The following OSTF1 variants were observed in gnomAD, a reference collection of about 807,000 sequenced individuals.
The protein encoded by OSTF1 is osteoclast-stimulating factor 1.
In OSTF1, 27 loss-of-function variants were observed where a neutral mutation model predicts 37.2. The observed-to-expected ratio is 0.73, with a 90% CI of 0.54 to 1.00. The LOEUF is 1.00. Ranked by LOEUF, OSTF1 falls within the 50% of genes least tolerant of loss-of-function variation. The pLI, the probability that OSTF1 is intolerant of heterozygous loss-of-function variation, is 0.00. For missense variants in OSTF1, 232 were observed against 253.8 expected (o/e 0.91, Z 0.58); for synonymous variants, 82 against 89.2 (o/e 0.92, Z 0.46).
At chr9:75,093,277 C>G (rs1426387409) in intron 1 of OSTF1, among the ~76,000 whole-genome samples, 2 of 152,132 alleles carry the variant, frequency 1.3e-5, no homozygotes, top group Non-Finnish European at 2.9e-5. Flanking sequence ...TTCAGCCACT[C>G]TCAGAAGCCT....
intron 1 of OSTF1, among the ~76,000 whole-genome samples, chr9:75,097,864 T>G (rs1178288674): frequency 6.6e-6 from 1 of 151,618 alleles, no homozygotes; most frequent in African/African-American, 2.4e-5. Context: ...TTTTTTTTTT[T>G]TTTTCTCTTT....
At chr9:75,136,638 C>G (rs1036572617) in intron 7 of OSTF1, among the ~76,000 whole-genome samples, 2 of 152,194 alleles carry the variant, frequency 1.3e-5, no homozygotes, top group Non-Finnish European at 2.9e-5. Context: ...GTGATCCGCT[C>G]TCCTCGGTCT....
chr9:75,132,449 T>A (rs931436082), intron 5 of OSTF1, among the ~76,000 whole-genome samples: 2 of 152,120 alleles, frequency 1.3e-5, no homozygotes, highest in African/African-American at 4.8e-5. Context: ...TCTGGAGACA[T>A]GTTGACTGTC....
chr9:75,124,213 G>A (rs1440418306), intron 2 of OSTF1, among the ~76,000 whole-genome samples: 3 of 152,146 alleles, frequency 2.0e-5, no homozygotes, highest in Admixed American at 1.3e-4. Flanking sequence ...GGCATGCAAT[G>A]TGGAATCACA....
At chr9:75,093,170 T>G (rs915012527) in intron 1 of OSTF1, among the ~76,000 whole-genome samples, 2 of 151,608 alleles carry the variant, frequency 1.3e-5, no homozygotes, top group Admixed American at 1.3e-4. Flanking sequence ...GTATCTGGAA[T>G]TATAGATGCT....
chr9:75,146,607 C>A, intron 9 of OSTF1, 76 bp from the exon 10 acceptor site: 1 of 972,184 alleles, frequency 1.0e-6, no homozygotes, highest in Non-Finnish European at 1.6e-6. Flanking sequence ...AATTTAAGAG[C>A]TTTGAAAATG....
intron 1 of OSTF1, among the ~76,000 whole-genome samples, chr9:75,116,102 T>C (rs1825483877): frequency 6.6e-6 from 1 of 151,808 alleles, no homozygotes; most frequent in East Asian, 1.9e-4. Flanking sequence ...AGAATCTGTT[T>C]CAAATAATAA....
intron 1 of OSTF1, 21 bp downstream of exon 1, chr9:75,088,747 G>A: frequency 6.3e-7 from 1 of 1,599,734 alleles, no homozygotes; most frequent in Non-Finnish European, 8.5e-7. Context: ...TAAGGTAGGC[G>A]CTTGCCAGGT....
intron 2 of OSTF1, among the ~76,000 whole-genome samples, chr9:75,118,534 C>T (rs1825528718): frequency 6.6e-6 from 1 of 151,832 alleles, no homozygotes; most frequent in Non-Finnish European, 1.5e-5. Context: ...GGAGTCGAGA[C>T]AGTTAGGAAG....
intron 1 of OSTF1, among the ~76,000 whole-genome samples, chr9:75,106,869 A>C (rs1825294462): frequency 6.6e-6 from 1 of 150,594 alleles, no homozygotes; most frequent in Admixed American, 6.6e-5. Context: ...TAGGAGAATC[A>C]CTTGAACCTG....
chr9:75,117,489 T>G lies in OSTF1; in HGVS notation c.35-15T>G, dbSNP rs577564153. 4 of 1,600,624 alleles carry G rather than the reference T, an allele frequency of 2.5e-6. No homozygotes were observed. In the South Asian group the frequency reaches 3.3e-5, roughly 13 times the overall value. On this transcript the variant is annotated splice_polypyrimidine_tract_variant and intron_variant, in intron 1 of 9. Transcript: ENST00000346234. The stretch of plus-strand genomic sequence containing the variant: ...GAATGAAAAATTCAGTTGTTGTTTT[T>G]TCTTCCTTTTTTAGGGCAAGTTAAA...
intron 3 of OSTF1, 105 bp downstream of exon 3, chr9:75,127,724 C>A: frequency 3.3e-6 from 2 of 608,892 alleles, no homozygotes; most frequent in South Asian, 2.2e-5. Context: ...TACATATGTA[C>A]AAGTCTGTTC....
intron 1 of OSTF1, among the ~76,000 whole-genome samples, chr9:75,101,162 C>G (rs1251435746): frequency 6.6e-6 from 1 of 152,150 alleles, no homozygotes; most frequent in African/African-American, 2.4e-5. Context: ...CTCTCAGGAC[C>G]GGGCCAAGCT....
chr9:75,116,376 A>G (rs893917459), intron 1 of OSTF1, among the ~76,000 whole-genome samples: 3 of 152,122 alleles, frequency 2.0e-5, no homozygotes, highest in African/African-American at 7.2e-5. Flanking sequence ...ATTAAGTTCT[A>G]CTATGTACCA....
intron 1 of OSTF1, among the ~76,000 whole-genome samples, chr9:75,099,120 T>C (rs1193652212): frequency 2.0e-5 from 3 of 152,114 alleles, no homozygotes; most frequent in East Asian, 3.9e-4. Flanking sequence ...GTATTTATAG[T>C]AGAAATGGGG....
intron 8 of OSTF1, 139 bp downstream of exon 8, chr9:75,137,755 T>C (rs1825866449): frequency 1.6e-6 from 1 of 613,032 alleles, no homozygotes; most frequent in East Asian, 2.8e-5. Context: ...CTGTGTATCA[T>C]GGAATAGTTA....
At chr9:75,111,729 T>C (rs1030097368) in intron 1 of OSTF1, among the ~76,000 whole-genome samples, 4 of 149,884 alleles carry the variant, frequency 2.7e-5, no homozygotes, top group Admixed American at 2.0e-4. Context: ...AGCATCTAAC[T>C]TAGCCTCCTT....
chr9:75,115,550 A>G (rs942210841), intron 1 of OSTF1, among the ~76,000 whole-genome samples: 1 of 152,144 alleles, frequency 6.6e-6, no homozygotes, highest in Non-Finnish European at 1.5e-5. Context: ...TTGGCCTCCC[A>G]AAGCTTTTAA....
chr9:75,141,357 A>G, intron 9 of OSTF1, among the ~76,000 whole-genome samples: 1 of 142,716 alleles, frequency 7.0e-6, no homozygotes, highest in Admixed American at 6.9e-5. Context: ...TCTTCAGATG[A>G]TTCTGAAGTT....
Sources: allele counts gnomAD v4.1 joint callset (sites outside exome capture counted in the v4.1 genomes callset), GRCh38; gene constraint gnomAD v4.1.1; transcripts MANE v1.5; gene names NCBI Gene and HGNC (gene_info 2026-07-23, HGNC 2026-07-21).